PCDH9: variants seen among roughly 807,000 people sequenced by gnomAD.
PCDH9 encodes protocadherin-9.
A neutral mutation model predicts 70.6 loss-of-function variants in PCDH9; 24 were observed. That is an observed-to-expected ratio of 0.34 (90% confidence interval 0.25 to 0.48). The LOEUF is 0.48. Ranked by LOEUF, PCDH9 falls within the 20% of genes least tolerant of loss-of-function variation. PCDH9 has a pLI of 0.99. For synonymous variants in PCDH9, 562 were observed against 558.5 expected (o/e 1.01, Z -0.09); for missense variants, 1,281 against 1,503.6 (o/e 0.85, Z 2.45).
intron 3 of PCDH9, among the ~76,000 whole-genome samples, chr13:66,806,711 T>A (rs567149516): frequency 2.6e-5 from 4 of 152,308 alleles, no homozygotes; most frequent in Admixed American, 2.6e-4. Context: ...GTATGTAAAA[T>A]TGGGATAATA....
rs150583751 is a variant in PCDH9 at position 67,227,963 on chromosome 13, G to C, written c.478C>G (p.Arg160Gly). ...SIPENTLINS[R>G]FPIPSATDPD... The stretch of plus-strand genomic sequence containing the variant: ...TCTGTTGCTGATGGAATTGGAAAGC[G>C]GCTGTTGATCAAAGTGTTTTCTGGA... Residue 160 changes from arginine (R) to glycine (G), a missense_variant, in exon 2 of 5, where the codon CGC (arginine) becomes GGC (glycine). Arg to Gly is a moderately radical substitution (Grantham distance 125). This residue lies in a region of PCDH9 where 798 missense variants were observed against 1,003.1 expected (regional missense o/e 0.80). Transcript: ENST00000377865. The surrounding 1 kb of genome is among the most constrained non-coding windows in gnomAD (Gnocchi z 4.6). 1.2e-6 allele frequency: 2 copies of C among 1,614,108 alleles called. No homozygotes were observed. Among genetic ancestry groups the C allele is most frequent in the East Asian group, 4.5e-5 (2 of 44,884 alleles).
intron 3 of PCDH9, among the ~76,000 whole-genome samples, chr13:66,755,881 A>T (rs558472043): frequency 6.6e-6 from 1 of 152,326 alleles, no homozygotes; most frequent in South Asian, 2.1e-4. Flanking sequence ...TCCCAGACTC[A>T]TGGGTCCAGA....
intron 4 of PCDH9, among the ~76,000 whole-genome samples, chr13:66,411,165 G>A (rs979600955): frequency 1.3e-5 from 2 of 152,242 alleles, no homozygotes; most frequent in African/African-American, 4.8e-5. Flanking sequence ...ATAATGGCTG[G>A]CATCCCATAT....
At chr13:67,012,488 A>G (rs1436644726) in intron 2 of PCDH9, among the ~76,000 whole-genome samples, 1 of 151,984 alleles carries the variant, frequency 6.6e-6, no homozygotes, top group Non-Finnish European at 1.5e-5. Flanking sequence ...AAAACAACAA[A>G]AACAAAATAA....
intron 4 of PCDH9, among the ~76,000 whole-genome samples, chr13:66,478,146 G>A (rs1028784795): frequency 2.0e-5 from 3 of 152,072 alleles, no homozygotes; most frequent in Non-Finnish European, 2.9e-5. Flanking sequence ...ACGTGGGATC[G>A]GTGACCTTTG....
intron 2 of PCDH9, among the ~76,000 whole-genome samples, chr13:67,059,206 T>G (rs1215918349): frequency 6.6e-6 from 1 of 151,722 alleles, no homozygotes; most frequent in Non-Finnish European, 1.5e-5. Flanking sequence ...TTTCATTCTT[T>G]TATGCAATAG....
chr13:66,955,495 C>T (rs972888160), intron 2 of PCDH9, among the ~76,000 whole-genome samples: 1 of 152,032 alleles, frequency 6.6e-6, no homozygotes, highest in African/African-American at 2.4e-5. Flanking sequence ...AACTATGCCT[C>T]AGAACAAAAG....
chr13:66,763,286 ACATT>A (rs2139255357), intron 3 of PCDH9, among the ~76,000 whole-genome samples: 1 of 152,174 alleles, frequency 6.6e-6, no homozygotes, highest in South Asian at 2.1e-4. Context: ...TGACAACGCA[ACATT>A]CAAACAAGAG....
chr13:67,014,290 T>C (rs908477840), intron 2 of PCDH9, among the ~76,000 whole-genome samples: 1 of 152,078 alleles, frequency 6.6e-6, no homozygotes, highest in Non-Finnish European at 1.5e-5. Context: ...ACTAGCAATA[T>C]GTAGAGGTAG....
intron 2 of PCDH9, among the ~76,000 whole-genome samples, chr13:66,916,568 C>T (rs1262856248): frequency 1.3e-5 from 2 of 151,452 alleles, no homozygotes; most frequent in East Asian, 3.9e-4. Flanking sequence ...AAATCAAATA[C>T]TCTAATAAAA....
chr13:66,938,205 T>C (rs1445792631), intron 2 of PCDH9, among the ~76,000 whole-genome samples: 1 of 152,180 alleles, frequency 6.6e-6, no homozygotes, highest in African/African-American at 2.4e-5. Context: ...AATGACATAA[T>C]TGGTTATCAT....
intron 4 of PCDH9, among the ~76,000 whole-genome samples, chr13:66,425,964 C>A (rs1466104293): frequency 1.3e-5 from 2 of 151,410 alleles, no homozygotes; most frequent in Non-Finnish European, 3.0e-5. Flanking sequence ...AGACATCCAT[C>A]TAAAATATAA....
Position 67,053,025 on chromosome 13 carries a change from G to T in PCDH9, c.3037-149420C>A, listed in dbSNP as rs1009140216. Among the ~76,000 whole-genome samples, 15 of 152,240 alleles carry T rather than the reference G, an allele frequency of 9.9e-5. No individual in the cohort carries two copies. The East Asian group carries it at 2.9e-3, about 29-fold the overall frequency. On this transcript the variant is annotated intron_variant, in intron 2 of 4. Transcript: ENST00000377865. ...GATGCAGCACACAGCCTGAGACAGG[G>T]TGGAGAGGTTTTGAGCTACGGAATG... is the stretch of plus-strand genomic sequence containing the variant.
chr13:66,897,982 T>C (rs757221214), intron 3 of PCDH9, among the ~76,000 whole-genome samples: 10 of 152,080 alleles, frequency 6.6e-5, no homozygotes, highest in Non-Finnish European at 4.4e-5. Flanking sequence ...ACTCTAACAA[T>C]TCTCCAGTCC....
At chr13:67,000,049 A>G (rs1002578072) in intron 2 of PCDH9, among the ~76,000 whole-genome samples, 6 of 152,294 alleles carry the variant, frequency 3.9e-5, no homozygotes, top group African/African-American at 1.4e-4. Context: ...TTATTGCGGC[A>G]CTATTCACAA....
At chr13:66,393,256 A>G (rs912884650) in intron 4 of PCDH9, among the ~76,000 whole-genome samples, 2 of 150,884 alleles carry the variant, frequency 1.3e-5, no homozygotes, top group African/African-American at 2.4e-5. Context: ...TTTCATGTCT[A>G]CAAGTAGCCA....
chr13:66,887,034 AACACACACACACACAC>A lies in PCDH9; in HGVS notation c.3138+16454_3138+16469del, dbSNP rs9317623. ...TAATTCACCCACCAACAAATATAAT[AACACACACACACACAC>A]ACACACACACACACACACACACACA... On this transcript the variant is annotated intron_variant, in intron 3 of 4. Transcript: ENST00000377865. 5.1e-4 allele frequency among the ~76,000 whole-genome samples: 73 copies of A among 143,958 alleles called. No homozygotes were observed. In the South Asian group the frequency reaches 5.4e-3, roughly 11 times the overall value. The allele number at this position is 143,958 out of a possible 152,430, so 94.4% of individuals were successfully genotyped here.
At chr13:66,740,666 C>T (rs2079247861) in intron 3 of PCDH9, among the ~76,000 whole-genome samples, 2 of 151,330 alleles carry the variant, frequency 1.3e-5, no homozygotes. Flanking sequence ...GATATCACCA[C>T]TGATCCCACA....
intron 2 of PCDH9, among the ~76,000 whole-genome samples, chr13:66,917,448 G>C (rs2082574450): frequency 6.6e-6 from 1 of 151,410 alleles, no homozygotes; most frequent in African/African-American, 2.4e-5. Context: ...CCACTAATGA[G>C]TTATTTGATT....
Sources: allele counts gnomAD v4.1 joint callset (sites outside exome capture counted in the v4.1 genomes callset), GRCh38; gene constraint gnomAD v4.1.1; regional missense constraint gnomAD v4.1.1; non-coding constraint Gnocchi (gnomAD v3.1); transcripts MANE v1.5; gene names NCBI Gene and HGNC (gene_info 2026-07-23, HGNC 2026-07-21).